Variants in PTPRR observed in about 807,000 individuals in gnomAD.
PTPRR encodes the protein protein tyrosine phosphatase receptor type R.
A neutral mutation model predicts 77.2 loss-of-function variants in PTPRR; 38 were observed. The observed-to-expected ratio is 0.49, with a 90% CI of 0.38 to 0.65. The LOEUF (loss-of-function observed/expected upper bound fraction) is 0.65, where lower values mean the gene tolerates loss of function less well. Among genes scored for constraint, PTPRR ranks in the 30% least tolerant of loss-of-function variants. PTPRR has a pLI of 0.00. For missense variants in PTPRR, 744 were observed against 799.2 expected (o/e 0.93, Z 0.83); for synonymous variants, 299 against 283.1 (o/e 1.06, Z -0.57).
intron 3 of PTPRR, among the ~76,000 whole-genome samples, chr12:70,764,253 T>C (rs1890760156): frequency 6.6e-6 from 1 of 152,090 alleles, no homozygotes; most frequent in Non-Finnish European, 1.5e-5. Flanking sequence ...ATCAATAATG[T>C]CTGGAAACTG....
intron 2 of PTPRR, among the ~76,000 whole-genome samples, chr12:70,889,637 C>G (rs920579653): frequency 2.2e-4 from 33 of 152,060 alleles, no homozygotes; most frequent in African/African-American, 8.0e-4. Flanking sequence ...GAGAGGATCG[C>G]AAGCCCCTGG....
intron 2 of PTPRR, among the ~76,000 whole-genome samples, chr12:70,863,781 A>G (rs1382214508): frequency 6.6e-6 from 1 of 151,942 alleles, no homozygotes; most frequent in African/African-American, 2.4e-5. Flanking sequence ...CACATCTTAG[A>G]AAATGTCCAG....
intron 2 of PTPRR, among the ~76,000 whole-genome samples, chr12:70,772,208 T>A (rs1349795300): frequency 6.6e-6 from 1 of 152,118 alleles, no homozygotes; most frequent in East Asian, 1.9e-4. Flanking sequence ...ATTCACTAAT[T>A]TGAACATAGT....
chr12:70,839,915 C>T (rs777049784), intron 2 of PTPRR, among the ~76,000 whole-genome samples: 2 of 152,186 alleles, frequency 1.3e-5, no homozygotes, highest in Non-Finnish European at 2.9e-5. Context: ...TTAATACCCT[C>T]TTCTTGGCCT....
chr12:70,859,869 C>A (rs1443473433), intron 2 of PTPRR, among the ~76,000 whole-genome samples: 1 of 152,062 alleles, frequency 6.6e-6, no homozygotes, highest in African/African-American at 2.4e-5. Flanking sequence ...ACAGTGATAA[C>A]CACAAACCAA....
chr12:70,702,340 G>A (rs2136786208), intron 6 of PTPRR, among the ~76,000 whole-genome samples: 1 of 152,104 alleles, frequency 6.6e-6, no homozygotes, highest in Middle Eastern at 3.4e-3. Flanking sequence ...TACAAAAACT[G>A]TTACATTTAA....
At chr12:70,883,274 T>C (rs1427139782) in intron 2 of PTPRR, among the ~76,000 whole-genome samples, 6 of 151,616 alleles carry the variant, frequency 4.0e-5, no homozygotes, top group African/African-American at 1.2e-4. Flanking sequence ...AAAACAACAA[T>C]AAAAAAGATA....
intron 2 of PTPRR, among the ~76,000 whole-genome samples, chr12:70,867,363 T>C (rs1017797964): frequency 3.5e-4 from 53 of 151,620 alleles, no homozygotes; most frequent in African/African-American, 1.3e-3. Context: ...AAAATCAATG[T>C]ACAAAAATCA....
intron 6 of PTPRR, among the ~76,000 whole-genome samples, chr12:70,738,178 C>T (rs754523040): frequency 1.3e-5 from 2 of 152,184 alleles, no homozygotes; most frequent in African/African-American, 2.4e-5. Context: ...TCAGCAACCC[C>T]TAAGGAAACC....
intron 2 of PTPRR, among the ~76,000 whole-genome samples, chr12:70,766,253 T>C (rs183250778): frequency 6.6e-6 from 1 of 152,048 alleles, no homozygotes; most frequent in Non-Finnish European, 1.5e-5. Flanking sequence ...GGCAAAGAAG[T>C]TGAAAACTTT....
At position 70,658,883 on chromosome 12, in the gene PTPRR, G is replaced by GTTTTTTTTTTTTTTTTTTTT. The variant is rs746595856; in HGVS notation, c.1766+2037_1766+2056dup. 2.2e-4 allele frequency among the ~76,000 whole-genome samples: 8 copies of GTTTTTTTTTTTTTTTTTTTT among 36,936 alleles called. 2 individuals carry two copies. Among genetic ancestry groups the GTTTTTTTTTTTTTTTTTTTT allele is most frequent in the Non-Finnish European group, 1.9e-4 (4 of 20,632 alleles). 24.2% of individuals were successfully genotyped at this position (36,936 alleles called of 152,430 possible). A position where few individuals can be genotyped will look rare whatever the true frequency, so the allele number is the denominator to read the frequency against. On this transcript the variant is annotated intron_variant, in intron 12 of 13. Coordinates refer to ENST00000283228, the MANE Select transcript of PTPRR (RefSeq NM_002849.4). ...TTCAACGTTAGGGACTTTTGCTCTAGTTTTTTTTTTTTTTTTTTTTTTTTT... is the reference window on the plus strand; with the variant it reads ...TTCAACGTTAGGGACTTTTGCTCTAGTTTTTTTTTTTTTTTTTTTTTTTTTTTTTTTTTTTTTTTTTTTTT...
chr12:70,805,312 A>AAG (rs1891690033), intron 2 of PTPRR, among the ~76,000 whole-genome samples: 1 of 151,450 alleles, frequency 6.6e-6, no homozygotes, highest in Non-Finnish European at 1.5e-5. Context: ...TTATGTATAT[A>AAG]TGTATATGTA....
chr12:70,712,137 T>A (rs761978484), intron 6 of PTPRR, among the ~76,000 whole-genome samples: 1 of 151,994 alleles, frequency 6.6e-6, no homozygotes, highest in Non-Finnish European at 1.5e-5. Flanking sequence ...AGTCAATGAC[T>A]TTGCTGGGTT....
intron 2 of PTPRR, among the ~76,000 whole-genome samples, chr12:70,815,166 GA>G (rs11305656): frequency 0.8 from 116,540 of 146,424 alleles, 48,173 homozygotes; most frequent in South Asian, 0.93. Context: ...GTCACTTCTA[GA>G]AAAAAAATTG....
At chr12:70,910,081 T>G (rs997339150) in intron 1 of PTPRR, among the ~76,000 whole-genome samples, 2 of 152,154 alleles carry the variant, frequency 1.3e-5, no homozygotes, top group African/African-American at 4.8e-5. Context: ...ATAGTCAATG[T>G]GCACCATTTT....
chr12:70,735,422 C>A (rs1443449271), intron 6 of PTPRR, among the ~76,000 whole-genome samples: 3 of 152,130 alleles, frequency 2.0e-5, no homozygotes, highest in Non-Finnish European at 4.4e-5. Flanking sequence ...AAGGGACCTG[C>A]CCTTTATAAA....
intron 13 of PTPRR, among the ~76,000 whole-genome samples, chr12:70,646,176 G>T (rs182585041): frequency 3.0e-3 from 450 of 152,296 alleles, no homozygotes; most frequent in Non-Finnish European, 4.5e-3. Context: ...CCTGGGTAAA[G>T]TTCCAAGAGC....
intron 6 of PTPRR, among the ~76,000 whole-genome samples, chr12:70,731,582 G>T (rs1889663775): frequency 1.3e-5 from 2 of 152,136 alleles, no homozygotes; most frequent in African/African-American, 4.8e-5. Flanking sequence ...GAGCAGAGGG[G>T]CCACGACCAC....
chr12:70,860,637 A>T (rs1304354177), intron 2 of PTPRR, among the ~76,000 whole-genome samples: 2 of 152,208 alleles, frequency 1.3e-5, no homozygotes, highest in Non-Finnish European at 2.9e-5. Flanking sequence ...AACCAGCAAC[A>T]TTCTGAGACC....
Sources: allele counts gnomAD v4.1 joint callset (sites outside exome capture counted in the v4.1 genomes callset), GRCh38; gene constraint gnomAD v4.1.1; transcripts MANE v1.5; gene names NCBI Gene and HGNC (gene_info 2026-07-23, HGNC 2026-07-21).